FRMPD4: variants seen among roughly 807,000 people sequenced by gnomAD.
FRMPD4 encodes the protein FERM and PDZ domain-containing protein 4.
Under a neutral mutation model 94.1 loss-of-function variants are expected in FRMPD4, and 22 were observed. That is an observed-to-expected ratio of 0.23 (90% CI 0.17 to 0.33). The LOEUF is 0.33. Ranked by LOEUF, FRMPD4 falls within the 10% of genes least tolerant of loss-of-function variation. The pLI is 1.00. For missense variants in FRMPD4, 1,111 were observed against 1,339.9 expected (o/e 0.83, Z 2.67); for synonymous variants, 631 against 548.6 (o/e 1.15, Z -2.10).
intron 1 of FRMPD4, among the ~76,000 whole-genome samples, chrX:12,442,504 C>A (rs1344256336): frequency 8.9e-6 from 1 of 112,016 alleles, no homozygotes; most frequent in Non-Finnish European, 1.9e-5. Flanking sequence ...CCAATAAAAA[C>A]AAAATGCAAC....
At chrX:12,540,833 G>T (rs1244933308) in intron 2 of FRMPD4, among the ~76,000 whole-genome samples, 2 of 111,742 alleles carry the variant, frequency 1.8e-5, no homozygotes, top group Admixed American at 9.5e-5. Flanking sequence ...TGACCACATA[G>T]TTGGAAGTAA....
intron 1 of FRMPD4, among the ~76,000 whole-genome samples, chrX:12,457,347 G>A (rs2057344422): frequency 9.0e-6 from 1 of 111,347 alleles, no homozygotes; most frequent in Admixed American, 9.5e-5. Flanking sequence ...TGGTCCTCAT[G>A]TTTCTCACTC....
intron 1 of FRMPD4, among the ~76,000 whole-genome samples, chrX:12,348,627 C>T (rs1246004006): frequency 1.8e-5 from 2 of 108,681 alleles, no homozygotes; most frequent in African/African-American, 6.7e-5. Flanking sequence ...TTGACTAAGC[C>T]TTCACTGTCC....
chrX:12,264,585 TTAAG>T (rs751682970), intron 1 of FRMPD4, among the ~76,000 whole-genome samples: 30 of 112,364 alleles, frequency 2.7e-4, no homozygotes, highest in African/African-American at 9.7e-4. Flanking sequence ...TTGATTGGAA[TTAAG>T]TGAGATGTAA....
At chrX:11,874,521 C>T (rs1296946120) in intron 2 of FRMPD4, among the ~76,000 whole-genome samples, 1 of 112,182 alleles carries the variant, frequency 8.9e-6, no homozygotes, top group African/African-American at 3.2e-5. Flanking sequence ...TTAACATATA[C>T]AGGGGAATGT....
chrX:12,516,064 T>C (rs778408382), intron 2 of FRMPD4, among the ~76,000 whole-genome samples: 3 of 112,134 alleles, frequency 2.7e-5, no homozygotes, highest in African/African-American at 9.7e-5. Flanking sequence ...AATTTTTTTC[T>C]ATCCCTTTAT....
At chrX:12,084,546 A>G (rs947678254) in intron 3 of FRMPD4, among the ~76,000 whole-genome samples, 1 of 112,360 alleles carries the variant, frequency 8.9e-6, no homozygotes, top group African/African-American at 3.2e-5. Flanking sequence ...AGTATTAAGA[A>G]TCTTATTTCT....
intron 3 of FRMPD4, among the ~76,000 whole-genome samples, chrX:12,040,050 G>C (rs1452935118): frequency 9.0e-6 from 1 of 110,613 alleles, no homozygotes; most frequent in Non-Finnish European, 1.9e-5. Context: ...ATGTTAATTA[G>C]GTCAGGTTGG....
chrX:12,665,347 G>A (rs372072120), intron 4 of FRMPD4, among the ~76,000 whole-genome samples: 1 of 111,093 alleles, frequency 9.0e-6, no homozygotes, highest in East Asian at 2.8e-4. Context: ...GGGAGGCTGA[G>A]GCAGGAGAAT....
At chrX:12,680,609 T>C (rs1157413671) in intron 5 of FRMPD4, among the ~76,000 whole-genome samples, 1 of 112,216 alleles carries the variant, frequency 8.9e-6, no homozygotes, top group Non-Finnish European at 1.9e-5. Context: ...ACAAAAAAAG[T>C]ACTTGTTATG....
chrX:12,084,184 G>GGGA lies in FRMPD4; in HGVS notation c.95+206168_95+206169insAGG, dbSNP rs1301939229. 1.0e-4 allele frequency among the ~76,000 whole-genome samples: 10 copies of GGGA among 99,107 alleles called. 1 individual carries two copies. In the East Asian group the frequency reaches 3.4e-3, roughly 34 times the overall value. The allele number at this position is 99,107 out of a possible 115,157, so 86.1% of individuals were successfully genotyped here. On this transcript the variant is annotated intron_variant, in intron 3 of 18. Transcript: ENST00000640291. ...GTTATGGGAGGGACCCAGTGGGGGG[G>GGGA]GGGGTAATTGAATCATGGGGGCTGG... is the stretch of plus-strand genomic sequence containing the variant.
At chrX:12,297,924 T>TC (rs1347429811) in intron 1 of FRMPD4, among the ~76,000 whole-genome samples, 3 of 111,024 alleles carry the variant, frequency 2.7e-5, no homozygotes, top group African/African-American at 9.8e-5. Context: ...CAACACTGGG[T>TC]CAAAGAAAGA....
chrX:12,276,893 G>A (rs745895527), intron 1 of FRMPD4, among the ~76,000 whole-genome samples: 6 of 110,441 alleles, frequency 5.4e-5, no homozygotes, highest in East Asian at 2.8e-4. Context: ...AGGCCGAGGC[G>A]GGCGGATCAC....
At chrX:12,535,345 A>G (rs1204748507) in intron 2 of FRMPD4, among the ~76,000 whole-genome samples, 1 of 111,816 alleles carries the variant, frequency 8.9e-6, no homozygotes, top group Non-Finnish European at 1.9e-5. Context: ...AAAATGGACT[A>G]ATATAGGGCC....
intron 1 of FRMPD4, among the ~76,000 whole-genome samples, chrX:12,412,375 C>A (rs2056745008): frequency 8.9e-6 from 1 of 112,091 alleles, no homozygotes; most frequent in Non-Finnish European, 1.9e-5. Context: ...ATTGCTGCTT[C>A]CAGATGATCA....
intron 1 of FRMPD4, among the ~76,000 whole-genome samples, chrX:12,351,172 C>CAA (rs764761807): frequency 0.24 from 19,973 of 82,324 alleles, 1,913 homozygotes; most frequent in Non-Finnish European, 0.3. Context: ...CTCCACCTCA[C>CAA]AAAAAAAAAA....
intron 3 of FRMPD4, among the ~76,000 whole-genome samples, chrX:11,908,156 G>A (rs1440970723): frequency 1.8e-5 from 2 of 111,942 alleles, no homozygotes; most frequent in African/African-American, 6.5e-5. Context: ...ACTTTCTGCT[G>A]ACTGCTCCGT....
chrX:12,176,419 A>G (rs2056295651), intron 1 of FRMPD4, among the ~76,000 whole-genome samples: 1 of 112,143 alleles, frequency 8.9e-6, no homozygotes, highest in Non-Finnish European at 1.9e-5. Flanking sequence ...CAAGACAAAA[A>G]AAAGCCATAT....
intron 1 of FRMPD4, among the ~76,000 whole-genome samples, chrX:12,464,026 T>C (rs56226123): frequency 0.17 from 18,906 of 110,538 alleles, 1,298 homozygotes; most frequent in South Asian, 0.24. Context: ...GTTAAGTAGC[T>C]GTGACAGAGA....
Sources: allele counts gnomAD v4.1 joint callset (sites outside exome capture counted in the v4.1 genomes callset), GRCh38; gene constraint gnomAD v4.1.1; transcripts MANE v1.5; gene names NCBI Gene and HGNC (gene_info 2026-07-23, HGNC 2026-07-21).